HIF1A: variants seen among roughly 807,000 people sequenced by gnomAD.
The protein encoded by HIF1A is hypoxia inducible factor 1 subunit alpha, also known as hypoxia-inducible factor 1-alpha.
HIF1A carries 24 observed loss-of-function variants against 92.7 expected under a neutral mutation model. The ratio of observed to expected loss-of-function variants is 0.26; its 90% confidence interval spans 0.19 to 0.36. The LOEUF (loss-of-function observed/expected upper bound fraction) is 0.36. HIF1A is among the 10% of genes least tolerant of loss of function. HIF1A has a pLI of 1.00. For missense variants in HIF1A, 799 were observed against 998.5 expected (o/e 0.80, Z 2.69); for synonymous variants, 319 against 338.7 (o/e 0.94, Z 0.64).
At position 61,723,763 on chromosome 14, in the gene HIF1A, T is replaced by C. The variant is rs2044462810; in HGVS notation, c.457+1940T>C. Among the ~76,000 whole-genome samples, 5 of 152,212 alleles carry C rather than the reference T, an allele frequency of 3.3e-5. No individual in the cohort carries two copies. In the South Asian group the frequency reaches 1.0e-3, roughly 31 times the overall value. The stretch of plus-strand genomic sequence containing the variant: ...AAGTCTTGTTCTGATTTGGTAATGA[T>C]GTTAATGCATTATTCTAAATCAGAT... On this transcript the variant is annotated intron_variant, in intron 4 of 14. Transcript: ENST00000337138.
intron 1 of HIF1A, among the ~76,000 whole-genome samples, chr14:61,719,889 T>C (rs553001397): frequency 1.0e-3 from 154 of 152,300 alleles, no homozygotes; most frequent in Non-Finnish European, 1.7e-3. Context: ...GAGAAAGTAC[T>C]GGAGTCTAAA....
chr14:61,732,697 T>C (rs2044591001), intron 7 of HIF1A, among the ~76,000 whole-genome samples, 173 bp downstream of exon 7: 1 of 152,194 alleles, frequency 6.6e-6, no homozygotes. Context: ...GCAACAAATA[T>C]CAGTAAAAAT....
chr14:61,699,972 G>A (rs1594854398), intron 1 of HIF1A, among the ~76,000 whole-genome samples: 1 of 152,038 alleles, frequency 6.6e-6, no homozygotes, highest in East Asian at 1.9e-4. Context: ...GAGTATTAAT[G>A]TTCATGTTTT....
chr14:61,714,927 G>A (rs1485022887), intron 1 of HIF1A, among the ~76,000 whole-genome samples: 17 of 152,064 alleles, frequency 1.1e-4, no homozygotes, highest in African/African-American at 3.6e-4. Context: ...CCAGCTACTC[G>A]GGAGGCTGAG....
At chr14:61,736,252 C>G (rs1566574989) in intron 8 of HIF1A, among the ~76,000 whole-genome samples, 1 of 152,200 alleles carries the variant, frequency 6.6e-6, no homozygotes, top group South Asian at 2.1e-4. Context: ...CCTGGGATTA[C>G]AGGCATGAGC....
chr14:61,725,533 A>G (rs532493380), intron 4 of HIF1A, among the ~76,000 whole-genome samples: 3 of 150,620 alleles, frequency 2.0e-5, no homozygotes, highest in African/African-American at 4.9e-5. Flanking sequence ...TCACGCCTCA[A>G]CCTCCCAAGT....
chr14:61,724,415 C>CT (rs1263997723), intron 4 of HIF1A, among the ~76,000 whole-genome samples: 31 of 147,972 alleles, frequency 2.1e-4, no homozygotes, highest in South Asian at 8.7e-4. Context: ...CTTCCCCCTC[C>CT]TTTGCTCTCA....
chr14:61,726,487 T>A, intron 4 of HIF1A: 1 of 341,698 alleles, frequency 2.9e-6, no homozygotes, highest in Non-Finnish European at 5.3e-6. Context: ...AAATATGGAT[T>A]ATCTTTCAGC....
At chr14:61,707,478 C>A (rs1458117752) in intron 1 of HIF1A, among the ~76,000 whole-genome samples, 1 of 152,028 alleles carries the variant, frequency 6.6e-6, no homozygotes, top group African/African-American at 2.4e-5. Flanking sequence ...CACAACAGGC[C>A]CCGGCGTGTG....
rs1005469197 is a variant in HIF1A, at chr14:61,720,566, G to C, written c.220G>C (p.Asp74His). ...CTATTTGCGTGTGAGGAAACTTCTG[G>C]ATGCTGGTGAGTTATTTTACAAGGG... ...ISYLRVRKLLDAGDLDIEDDM... is the reference protein window; with the variant it reads ...ISYLRVRKLLHAGDLDIEDDM... The change falls in exon 2 of 15, where the codon GAT becomes CAT. Residue 74 changes from aspartate to histidine, a missense_variant. Asp to His is a moderately conservative substitution (Grantham distance 81). Around this residue, in one of 2 missense-constraint regions of HIF1A, gnomAD observed 516 missense variants for 721.0 expected, o/e 0.72. Coordinates refer to ENST00000337138, the MANE Select transcript of HIF1A (RefSeq NM_001530.4). 1.3e-6 allele frequency: 2 copies of C among 1,592,966 alleles called. No homozygotes were observed. The highest frequency in any genetic ancestry group is 2.7e-5 in the African/African-American group (2 of 73,762).
intron 14 of HIF1A, 94 bp from the exon 15 acceptor site, chr14:61,746,840 C>T: frequency 2.9e-6 from 3 of 1,020,218 alleles, no homozygotes; most frequent in African/African-American, 1.6e-5. Flanking sequence ...CAGAATTTTG[C>T]TTTATTTTCT....
chr14:61,716,493 C>G (rs2044365755), intron 1 of HIF1A, among the ~76,000 whole-genome samples: 1 of 152,160 alleles, frequency 6.6e-6, no homozygotes, highest in Non-Finnish European at 1.5e-5. Flanking sequence ...TATGGTTTAA[C>G]TTCAGTTCTT....
chr14:61,704,644 C>G (rs565389160), intron 1 of HIF1A, among the ~76,000 whole-genome samples: 1 of 152,176 alleles, frequency 6.6e-6, no homozygotes, highest in Non-Finnish European at 1.5e-5. Flanking sequence ...AAAGCCTTCA[C>G]TGTGAATGGA....
intron 12 of HIF1A, among the ~76,000 whole-genome samples, chr14:61,741,761 C>A (rs2044715024): frequency 6.6e-6 from 1 of 152,158 alleles, no homozygotes; most frequent in African/African-American, 2.4e-5. Flanking sequence ...CAGCTCAGTA[C>A]TGTAAATGTG....
intron 8 of HIF1A, 109 bp from the exon 9 acceptor site, chr14:61,736,780 T>C (rs1566575301): frequency 1.5e-6 from 1 of 688,570 alleles, no homozygotes. Flanking sequence ...AATCTTGAAA[T>C]GTTCCTGTCC....
At chr14:61,730,129 C>T (rs2044557997) in intron 6 of HIF1A, among the ~76,000 whole-genome samples, 1 of 152,072 alleles carries the variant, frequency 6.6e-6, no homozygotes, top group South Asian at 2.1e-4. Context: ...CAGTTCCTGC[C>T]TCAAAATAAA....
intron 1 of HIF1A, among the ~76,000 whole-genome samples, chr14:61,711,207 C>CTTTTTTTTTTT (rs10615564): frequency 1.2e-5 from 1 of 86,124 alleles, no homozygotes; most frequent in African/African-American, 4.3e-5. Context: ...TTAAGTATTC[C>CTTTTTTTTTTT]TTTTTTTTTT....
chr14:61,697,686 T>C (rs774488012), intron 1 of HIF1A: 110 of 1,244,042 alleles, frequency 8.8e-5, no homozygotes, highest in Non-Finnish European at 1.1e-4. Context: ...GTTCTTGATA[T>C]AACTGAAAAA....
chr14:61,737,230 T>G (rs2044648332), intron 9 of HIF1A, 121 bp downstream of exon 9: 1 of 673,004 alleles, frequency 1.5e-6, no homozygotes, highest in African/African-American at 1.8e-5. Flanking sequence ...TAATATATGT[T>G]TATAGTTTTC....
Sources: allele counts gnomAD v4.1 joint callset (sites outside exome capture counted in the v4.1 genomes callset), GRCh38; gene constraint gnomAD v4.1.1; regional missense constraint gnomAD v4.1.1; transcripts MANE v1.5; gene names NCBI Gene and HGNC (gene_info 2026-07-23, HGNC 2026-07-21).